Variants in ASIC2 observed in about 807,000 individuals in gnomAD.
ASIC2 encodes acid-sensing ion channel 2.
Under a neutral mutation model 57.3 loss-of-function variants are expected in ASIC2, and 25 were observed. The observed-to-expected ratio is 0.44, with a 90% CI of 0.32 to 0.61. ASIC2 has a LOEUF of 0.61. Among genes scored for constraint, ASIC2 ranks in the 20% least tolerant of loss-of-function variants. The pLI is 0.06. For missense variants in ASIC2, 641 were observed against 738.1 expected (o/e 0.87, Z 1.52); for synonymous variants, 319 against 307.5 (o/e 1.04, Z -0.39).
chr17:33,316,364 A>G (rs1906647291), intron 1 of ASIC2, among the ~76,000 whole-genome samples: 2 of 152,228 alleles, frequency 1.3e-5, no homozygotes, highest in African/African-American at 4.8e-5. Flanking sequence ...GTCTACAGCC[A>G]CTGCTCTCCA....
intron 1 of ASIC2, among the ~76,000 whole-genome samples, chr17:33,255,076 G>C (rs949766407): frequency 7.8e-5 from 7 of 90,096 alleles, no homozygotes; most frequent in Admixed American, 1.8e-4. Context: ...CGCTCTGTTT[G>C]TTGCCCAGGC....
chr17:33,594,912 A>G (rs1484592247), intron 1 of ASIC2, among the ~76,000 whole-genome samples: 4 of 151,300 alleles, frequency 2.6e-5, no homozygotes, highest in Admixed American at 6.6e-5. Flanking sequence ...AGGTCACACA[A>G]TTTTTTTTTG....
At chr17:33,837,900 C>T (rs1913321347) in intron 1 of ASIC2, among the ~76,000 whole-genome samples, 1 of 152,122 alleles carries the variant, frequency 6.6e-6, no homozygotes, top group Non-Finnish European at 1.5e-5. Flanking sequence ...CTGAACTACT[C>T]TACCTCCATC....
At chr17:33,272,794 T>C (rs1010030034) in intron 1 of ASIC2, among the ~76,000 whole-genome samples, 3 of 152,222 alleles carry the variant, frequency 2.0e-5, no homozygotes, top group Admixed American at 2.0e-4. Context: ...GATTATCTCT[T>C]TGGTTTCTCA....
intron 1 of ASIC2, among the ~76,000 whole-genome samples, chr17:34,088,489 G>A (rs1485938986): frequency 6.6e-6 from 1 of 152,200 alleles, no homozygotes; most frequent in Non-Finnish European, 1.5e-5. Flanking sequence ...TCAGGGGTCA[G>A]GGACCCACTT....
chr17:33,105,550 T>A (rs180990089), intron 2 of ASIC2, among the ~76,000 whole-genome samples: 1 of 152,210 alleles, frequency 6.6e-6, no homozygotes, highest in African/African-American at 2.4e-5. Context: ...GATATTGCTA[T>A]GAAGATACTT....
chr17:33,804,374 T>G (rs1306854160), intron 1 of ASIC2, among the ~76,000 whole-genome samples: 2 of 152,194 alleles, frequency 1.3e-5, no homozygotes, highest in Non-Finnish European at 2.9e-5. Flanking sequence ...TCTTTGGGAC[T>G]GGGATTGGTG....
At chr17:33,023,519 T>A (rs1343736143) in intron 6 of ASIC2, among the ~76,000 whole-genome samples, 1 of 151,718 alleles carries the variant, frequency 6.6e-6, no homozygotes, top group African/African-American at 2.4e-5. Context: ...AAAAATTCTC[T>A]GAAGCTTTCC....
intron 1 of ASIC2, among the ~76,000 whole-genome samples, chr17:34,027,717 G>C (rs2142034080): frequency 6.6e-6 from 1 of 152,310 alleles, no homozygotes; most frequent in Non-Finnish European, 1.5e-5. Flanking sequence ...TCTGTCGTTA[G>C]CACACCCTCC....
chr17:33,807,923 T>A (rs1912313354), intron 1 of ASIC2, among the ~76,000 whole-genome samples: 1 of 152,274 alleles, frequency 6.6e-6, no homozygotes, highest in African/African-American at 2.4e-5. Context: ...ATTTGTATAT[T>A]TTGGATAACA....
intron 1 of ASIC2, among the ~76,000 whole-genome samples, chr17:33,516,182 G>C (rs1268226649): frequency 2.0e-5 from 3 of 152,198 alleles, no homozygotes; most frequent in Non-Finnish European, 4.4e-5. Flanking sequence ...GTGTCCAGCT[G>C]GGTGGAGCCC....
chr17:33,326,799 C>A (rs997945399), intron 1 of ASIC2, among the ~76,000 whole-genome samples: 6 of 152,204 alleles, frequency 3.9e-5, no homozygotes, highest in African/African-American at 1.4e-4. Flanking sequence ...CAGTCCATTG[C>A]TGACTTTTGG....
Position 33,201,421 on chromosome 17 carries a change from A to G in ASIC2, c.709-89354T>C, listed in dbSNP as rs147011879. Reference sequence around the variant, plus strand: ...GACTTGACTCTAGACCAGATTGAAGACTAGCTGAAACAGCAAAGAGGCAAA... The same window carrying G: ...GACTTGACTCTAGACCAGATTGAAGGCTAGCTGAAACAGCAAAGAGGCAAA... On this transcript the variant is annotated intron_variant, in intron 1 of 9. Coordinates refer to ENST00000225823, the MANE Select transcript of ASIC2 (RefSeq NM_183377.2). 1.1e-4 allele frequency among the ~76,000 whole-genome samples: 17 copies of G among 152,318 alleles called. No homozygotes were observed. The East Asian group carries it at 3.3e-3, about 29-fold the overall frequency.
intron 1 of ASIC2, among the ~76,000 whole-genome samples, chr17:33,950,586 A>C (rs1259995884): frequency 6.6e-6 from 1 of 152,218 alleles, no homozygotes; most frequent in East Asian, 1.9e-4. Context: ...AGCTTGCTGA[A>C]GCAAGCCAGG....
chr17:33,747,660 C>T (rs1910309325), intron 1 of ASIC2, among the ~76,000 whole-genome samples: 1 of 152,198 alleles, frequency 6.6e-6, no homozygotes, highest in Admixed American at 6.5e-5. Context: ...CTCAGATTCT[C>T]CCCAACTTCC....
intron 1 of ASIC2, among the ~76,000 whole-genome samples, chr17:34,025,260 A>G (rs909292536): frequency 3.9e-5 from 6 of 152,230 alleles, no homozygotes; most frequent in Admixed American, 6.5e-5. Flanking sequence ...CCTTGCTAAC[A>G]TTCAGTTTTT....
chr17:33,908,645 C>T (rs1915398768), intron 1 of ASIC2, among the ~76,000 whole-genome samples: 1 of 152,136 alleles, frequency 6.6e-6, no homozygotes, highest in South Asian at 2.1e-4. Context: ...GTCAGCTTAC[C>T]TGAGTTACTA....
chr17:33,377,083 C>T (rs1909306342), intron 1 of ASIC2, among the ~76,000 whole-genome samples: 2 of 152,118 alleles, frequency 1.3e-5, no homozygotes, highest in South Asian at 4.2e-4. Flanking sequence ...TGGAGTCATG[C>T]TCTGTAACCC....
intron 1 of ASIC2, among the ~76,000 whole-genome samples, chr17:34,050,713 A>AT (rs1045949928): frequency 6.6e-6 from 1 of 152,248 alleles, no homozygotes; most frequent in Non-Finnish European, 1.5e-5. Context: ...TATAGACCAC[A>AT]TAGGAGCATG....
Sources: gnomAD v4.1 joint callset for allele counts (sites outside exome capture counted in the v4.1 genomes callset) on GRCh38, gnomAD v4.1.1 for gene constraint, MANE v1.5 for transcripts, NCBI Gene and HGNC (gene_info 2026-07-23, HGNC 2026-07-21) for gene names.